NCALD: variants seen among roughly 807,000 people sequenced by gnomAD.
NCALD encodes the protein neurocalcin delta.
In NCALD, 10 loss-of-function variants were observed where a neutral mutation model predicts 18.6. The observed-to-expected ratio is 0.54, with a 90% CI of 0.33 to 0.91. The LOEUF is 0.91. Among genes scored for constraint, NCALD ranks in the 40% least tolerant of loss-of-function variants. NCALD has a pLI of 0.03. For synonymous variants in NCALD, 88 were observed against 87.4 expected, an observed-to-expected ratio of 1.01 and a Z score of -0.04; for missense variants, 184 against 247.6, an observed-to-expected ratio of 0.74 and a Z score of 1.72.
chr8:101,779,344 G>A (rs1192060178), intron 1 of NCALD, among the ~76,000 whole-genome samples: 1 of 152,042 alleles, frequency 6.6e-6, no homozygotes, highest in Non-Finnish European at 1.5e-5. Context: ...TAAGAAAGAG[G>A]TTACCATGAC....
chr8:101,728,664 C>T (rs1816680248), intron 1 of NCALD, among the ~76,000 whole-genome samples: 1 of 152,030 alleles, frequency 6.6e-6, no homozygotes, highest in Admixed American at 6.6e-5. Flanking sequence ...ACTAAAAATA[C>T]AAAAAATTAG....
chr8:101,945,902 G>A (rs1374728478), intron 2 of NCALD, among the ~76,000 whole-genome samples: 1 of 152,140 alleles, frequency 6.6e-6, no homozygotes. Flanking sequence ...AGTTCTCAAT[G>A]CTCTCCTTTT....
At chr8:101,860,433 A>G (rs1815492340) in intron 4 of NCALD, among the ~76,000 whole-genome samples, 1 of 152,218 alleles carries the variant, frequency 6.6e-6, no homozygotes, top group Non-Finnish European at 1.5e-5. Context: ...GAGAGCAGAG[A>G]GTTCCATAAA....
Position 102,052,707 on chromosome 8 carries a change from G to C in NCALD, c.-209-32418C>G, listed in dbSNP as rs528082295. On this transcript the variant is annotated intron_variant, in intron 1 of 6. Transcript: ENST00000311028. ...GGCATGAAACTGGCCAACTTTTCCCGTAAAGGCCAGAGAGTAAATATTTTA... is the reference window on the plus strand; with the variant it reads ...GGCATGAAACTGGCCAACTTTTCCCCTAAAGGCCAGAGAGTAAATATTTTA... Among the ~76,000 whole-genome samples the C allele has an allele frequency of 1.3e-4, 20 of 152,146 alleles. No homozygotes were observed. The South Asian group carries it at 4.1e-3, about 32-fold the overall frequency.
rs770307937 is a variant in NCALD at position 102,081,545 on chromosome 8, TAAAAAAAAAAAAA to T, written c.-210+42679_-210+42691del. On this transcript the variant is annotated intron_variant, in intron 1 of 6. Transcript: ENST00000311028. ...AAGTCAAGGAGAATTCAAATAATGG[TAAAAAAAAAAAAA>T]AAAAAAAAAAAAAAAAAACCCCAAA... Among the ~76,000 whole-genome samples, 66 of 68,712 alleles carry T rather than the reference TAAAAAAAAAAAAA, an allele frequency of 9.6e-4. 1 individual carries two copies. In the East Asian group the frequency reaches 0.011, roughly 11 times the overall value. 45.1% of individuals were successfully genotyped at this position (68,712 alleles called of 152,430 possible).
Position 102,063,520 on chromosome 8 carries a change from A to ACATTT in NCALD, c.-209-43236_-209-43232dup, listed in dbSNP as rs144441723. Among the ~76,000 whole-genome samples, 1,147 of 152,314 alleles carry ACATTT rather than the reference A, an allele frequency of 7.5e-3. 14 individuals carry two copies. The highest frequency in any genetic ancestry group is 0.026 in the African/African-American group (1,079 of 41,554). Reference sequence around the variant, plus strand: ...TGATCTGGAATAAGTAGATAAAGGGACATTTTTTTAAGATCATTATTTAAA... The same window carrying ACATTT: ...TGATCTGGAATAAGTAGATAAAGGGACATTTCATTTTTTTAAGATCATTATTTAAA... On this transcript the variant is annotated intron_variant, in intron 1 of 6. Transcript: ENST00000311028.
At chr8:102,015,706 G>A (rs1822059649) in intron 2 of NCALD, among the ~76,000 whole-genome samples, 1 of 152,156 alleles carries the variant, frequency 6.6e-6, no homozygotes, top group Non-Finnish European at 1.5e-5. Context: ...ACCAAGAGTG[G>A]CATGCCCTTC....
intron 4 of NCALD, among the ~76,000 whole-genome samples, chr8:101,827,458 T>A (rs1450941701): frequency 6.6e-6 from 1 of 152,240 alleles, no homozygotes; most frequent in Non-Finnish European, 1.5e-5. Context: ...CACAAGTCCC[T>A]GAACAAATAG....
At chr8:101,725,665 G>T (rs1039009338) in intron 1 of NCALD, among the ~76,000 whole-genome samples, 1 of 152,140 alleles carries the variant, frequency 6.6e-6, no homozygotes, top group Non-Finnish European at 1.5e-5. Flanking sequence ...GCCCAAAAAG[G>T]CTCACTTCGG....
In NCALD at chr8:101,999,759, A is replaced by ACATGAGCTCTTTTC. The variant is rs200864513; in HGVS notation, c.-157+20477_-157+20478insGAAAAGAGCTCATG. On this transcript the variant is annotated intron_variant, in intron 2 of 6. Coordinates refer to the NCALD transcript ENST00000311028. ...ATTATTCTCTAAAAATAAAATAATA[A>ACATGAGCTCTTTTC]CATTCAAGTGCTTATTCCTTTGCAA... 7.3e-3 allele frequency among the ~76,000 whole-genome samples: 1,114 copies of ACATGAGCTCTTTTC among 152,282 alleles called. 12 individuals are homozygous for ACATGAGCTCTTTTC. The highest frequency in any genetic ancestry group is 0.022 in the African/African-American group (915 of 41,540).
chr8:101,789,087 G>A (rs1335220396), intron 1 of NCALD: 1 of 152,128 alleles, frequency 6.6e-6, no homozygotes, highest in Non-Finnish European at 1.5e-5. Context: ...AAATGTCATA[G>A]AGACAGCACC....
chr8:102,079,273 G>A (rs1160441580), intron 1 of NCALD, among the ~76,000 whole-genome samples: 2 of 152,132 alleles, frequency 1.3e-5, no homozygotes, highest in Admixed American at 1.3e-4. Flanking sequence ...GCTACCAGCC[G>A]GCCTTGTTAT....
intron 1 of NCALD, among the ~76,000 whole-genome samples, chr8:101,759,322 TGTCA>T (rs1811017375): frequency 6.6e-6 from 1 of 152,146 alleles, no homozygotes; most frequent in South Asian, 2.1e-4. Context: ...GCCAGAAAGT[TGTCA>T]GTGTCTTCGA....
intron 4 of NCALD, among the ~76,000 whole-genome samples, chr8:101,883,266 C>G (rs556086429): frequency 2.0e-4 from 31 of 152,294 alleles, no homozygotes; most frequent in Non-Finnish European, 3.4e-4. Context: ...CCCTGCTACT[C>G]AGGAGGCTGA....
intron 3 of NCALD, among the ~76,000 whole-genome samples, chr8:101,902,244 TCC>T (rs1817455688): frequency 6.6e-6 from 1 of 150,786 alleles, no homozygotes; most frequent in Non-Finnish European, 1.5e-5. Flanking sequence ...CTCTGTCCAC[TCC>T]ATTCTCATGT....
rs118066738 is a variant in NCALD at position 101,747,047 on chromosome 8, T to C, written c.-19-27399A>G. ...GCCCTCAAAGCAGCCAACTCTACGATATCCAGTATAAGTGGTTCCAACATG... is the reference window on the plus strand; with the variant it reads ...GCCCTCAAAGCAGCCAACTCTACGACATCCAGTATAAGTGGTTCCAACATG... On this transcript the variant is annotated intron_variant, in intron 1 of 3. Coordinates refer to ENST00000220931, the MANE Select transcript of NCALD (RefSeq NM_032041.3). 5.8e-3 allele frequency among the ~76,000 whole-genome samples: 877 copies of C among 152,268 alleles called. 9 individuals are homozygous for C. Among genetic ancestry groups the C allele is most frequent in the South Asian group, 0.012 (56 of 4,824 alleles).
intron 1 of NCALD, among the ~76,000 whole-genome samples, chr8:102,046,936 C>T (rs1379526080): frequency 6.6e-6 from 1 of 152,008 alleles, no homozygotes; most frequent in Non-Finnish European, 1.5e-5. Context: ...AAGCCCAGTA[C>T]CCAAGAGTTA....
At chr8:101,696,385 T>C (rs976183811) in intron 2 of NCALD, among the ~76,000 whole-genome samples, 3 of 152,148 alleles carry the variant, frequency 2.0e-5, no homozygotes, top group Non-Finnish European at 2.9e-5. Flanking sequence ...TGTGATGATA[T>C]AGTGGGAGAG....
chr8:102,047,685 A>C (rs1159983481), intron 1 of NCALD, among the ~76,000 whole-genome samples: 1 of 152,234 alleles, frequency 6.6e-6, no homozygotes, highest in Non-Finnish European at 1.5e-5. Flanking sequence ...TTTATCCGGG[A>C]CCAAGCATTA....
Sources: gnomAD v4.1 joint callset for allele counts (sites outside exome capture counted in the v4.1 genomes callset) on GRCh38, gnomAD v4.1.1 for gene constraint, MANE v1.5 for transcripts, NCBI Gene and HGNC (gene_info 2026-07-23, HGNC 2026-07-21) for gene names.